The following VANGL2 variants were observed in gnomAD, a reference collection of about 807,000 sequenced individuals.
VANGL2 encodes vang-like protein 2.
A neutral mutation model predicts 50.2 loss-of-function variants in VANGL2; 14 were observed. The observed-to-expected ratio is 0.28, with a 90% confidence interval of 0.18 to 0.44. The LOEUF (loss-of-function observed/expected upper bound fraction) is 0.44, where lower values mean the gene tolerates loss of function less well. Among genes scored for constraint, VANGL2 ranks in the 20% least tolerant of loss-of-function variants. The pLI, the probability that VANGL2 is intolerant of heterozygous loss-of-function variation, is 1.00. For synonymous variants in VANGL2, 295 were observed against 297.2 expected, an observed-to-expected ratio of 0.99 and a Z score of 0.08; for missense variants, 533 against 701.5, an observed-to-expected ratio of 0.76 and a Z score of 2.71.
intron 1 of VANGL2, among the ~76,000 whole-genome samples, chr1:160,411,040 C>A (rs1463843146): frequency 2.0e-5 from 3 of 152,140 alleles, no homozygotes; most frequent in South Asian, 4.2e-4. Flanking sequence ...AGCTCCCCCC[C>A]AATCCCCTTG....
At chr1:160,417,376 C>T (rs1028318910) in intron 3 of VANGL2, among the ~76,000 whole-genome samples, 11 of 152,176 alleles carry the variant, frequency 7.2e-5, no homozygotes, top group African/African-American at 2.7e-4. Context: ...AGCTGGTGGT[C>T]TTGGGACTCC....
rs376432810 is a variant in VANGL2 at position 160,419,132 on chromosome 1, G to A, written c.323G>A (p.Gly108Asp). 8 of 1,614,076 alleles carry A rather than the reference G, an allele frequency of 5.0e-6. No homozygotes were observed. In the Admixed American group the frequency reaches 1.2e-4, roughly 24 times the overall value. Reference sequence around the variant, plus strand: ...CCTCTGGACTGCTCCCGTCACCTGGGTGTGGCAGCGGGGGCCACCCTGGCA... The same window carrying A: ...CCTCTGGACTGCTCCCGTCACCTGGATGTGGCAGCGGGGGCCACCCTGGCA... ...SVPLDCSRHLGVAAGATLALL... is the reference protein window; with the variant it reads ...SVPLDCSRHLDVAAGATLALL... Residue 108 changes from glycine (G) to aspartate (D), a missense_variant, in exon 4 of 8, where the codon GGT (glycine) becomes GAT (aspartate). Transcript: ENST00000368061. This position sits in a 1 kb window ranked among gnomAD's most constrained non-coding sequence, Gnocchi z 5.8.
intron 1 of VANGL2, among the ~76,000 whole-genome samples, chr1:160,407,861 G>T (rs1373236430): frequency 6.6e-6 from 1 of 152,208 alleles, no homozygotes; most frequent in Non-Finnish European, 1.5e-5. Flanking sequence ...GCAGCTCAAA[G>T]CCTGGTGGTG....
Position 160,425,181 on chromosome 1 carries a change from G to T in VANGL2, c.1369G>T (p.Ala457Ser). ...CCAGTACCACAAGGAACGCTGGCTGGCCAAACAGTGGACATTGGTGAGCGA... is the reference window on the plus strand; with the variant it reads ...CCAGTACCACAAGGAACGCTGGCTGTCCAAACAGTGGACATTGGTGAGCGA... ...TIQYHKERWL[A>S]KQWTLVSEEP... is the part of the protein sequence containing the mutation. Residue 457 changes from alanine to serine, a missense_variant, in exon 8 of 8, where the codon GCC becomes TCC. Transcript: ENST00000368061. 1 of 1,614,130 alleles carries T rather than the reference G, an allele frequency of 6.2e-7. No individual in the cohort carries two copies. Among genetic ancestry groups the T allele is most frequent in the Non-Finnish European group, 8.5e-7 (1 of 1,180,024 alleles).
Position 160,425,548 on chromosome 1 carries a change from C to T in VANGL2, c.*170C>T, listed in dbSNP as rs1651423450. 5.8e-6 allele frequency: 4 copies of T among 693,314 alleles called. No homozygotes were observed. The highest frequency in any genetic ancestry group is 3.6e-5 in the African/African-American group (2 of 55,428). 42.9% of individuals were successfully genotyped at this position (693,314 alleles called of 1,614,324 possible). The stretch of plus-strand genomic sequence containing the variant: ...TCTCCTCGCTTCTTCCTTATTTTAC[C>T]CCATGTGAACCTGGAGAGACCATCC... On this transcript the variant is annotated 3_prime_UTR_variant, in exon 8 of 8. Coordinates refer to ENST00000368061, the MANE Select transcript of VANGL2 (RefSeq NM_020335.3).
chr1:160,418,755 G>A (rs1242048686), intron 3 of VANGL2, among the ~76,000 whole-genome samples: 1 of 152,180 alleles, frequency 6.6e-6, no homozygotes, highest in Non-Finnish European at 1.5e-5. Context: ...ACTGACCAGT[G>A]TCCAGCTCCC....
Position 160,415,820 on chromosome 1 carries a change from G to A in VANGL2, c.-18G>A. ...GCCTGCGGCCCTGGAGCGCTACAAG[G>A]CGCGGCGTTCAGACGCCATGGACAC... is the stretch of plus-strand genomic sequence containing the variant. On this transcript the variant is annotated 5_prime_UTR_variant, in exon 2 of 8. Transcript: ENST00000368061. 1 of 1,610,420 alleles carries A rather than the reference G, an allele frequency of 6.2e-7. No individual in the cohort carries two copies. The highest frequency in any genetic ancestry group is 8.5e-7 in the Non-Finnish European group (1 of 1,178,774).
rs1344431225 is a variant in VANGL2 at position 160,419,756 on chromosome 1, T to C, written c.800+147T>C. The C allele has an allele frequency of 7.9e-7, 1 of 1,271,494 alleles. No homozygotes were observed. Among genetic ancestry groups the C allele is most frequent in the Non-Finnish European group, 1.1e-6 (1 of 946,726 alleles). 78.8% of individuals were successfully genotyped at this position (1,271,494 alleles called of 1,614,324 possible). On this transcript the variant is annotated intron_variant, in intron 4 of 7. Coordinates refer to ENST00000368061, the MANE Select transcript of VANGL2 (RefSeq NM_020335.3). This position sits in a 1 kb window ranked among gnomAD's most constrained non-coding sequence, Gnocchi z 5.8. ...AGGGAGTTGAGTACTTTGCACCAAG[T>C]AGGTTTTCACCAATGTTTGCTGCTT...
chr1:160,416,191 TG>T lies in VANGL2; in HGVS notation c.192+13del, dbSNP rs762113927. Reference sequence around the variant, plus strand: ...CACGAGGGGATGAGCGGGTGAGCACTGGGGATGCGGTGGTCCAGACCGGGCA... The same window carrying T: ...CACGAGGGGATGAGCGGGTGAGCACTGGGATGCGGTGGTCCAGACCGGGCA... On this transcript the variant is annotated intron_variant, in intron 3 of 7. Transcript: ENST00000368061. 6.2e-7 allele frequency: 1 copy of T among 1,614,014 alleles called. No individual in the cohort carries two copies. The highest frequency in any genetic ancestry group is 2.2e-5 in the East Asian group (1 of 44,886).
At chr1:160,424,391 T>G in intron 7 of VANGL2, 108 bp downstream of exon 7, 1 of 1,073,372 alleles carries the variant, frequency 9.3e-7, no homozygotes, top group Non-Finnish European at 1.4e-6. Context: ...CCACCTCATT[T>G]CTCTCTCCTC....
In VANGL2 at chr1:160,425,474, C is replaced by A; in HGVS notation, c.*96C>A. ...GCCCAGCCACATTCCTGCCACCCTT[C>A]TTCTTCTTGCTCTTTTTTTTTTACT... On this transcript the variant is annotated 3_prime_UTR_variant, in exon 8 of 8. Coordinates refer to ENST00000368061, the MANE Select transcript of VANGL2 (RefSeq NM_020335.3). The A allele has an allele frequency of 4.0e-6, 4 of 991,188 alleles. No individual in the cohort carries two copies. Among genetic ancestry groups the A allele is most frequent in the Non-Finnish European group, 5.6e-6 (4 of 719,720 alleles). The allele number at this position is 991,188 out of a possible 1,614,324, so 61.4% of individuals were successfully genotyped here.
chr1:160,415,333 A>G (rs1182587040), intron 1 of VANGL2, among the ~76,000 whole-genome samples: 2 of 152,176 alleles, frequency 1.3e-5, no homozygotes, highest in African/African-American at 2.4e-5. Context: ...GGCTGAGAAT[A>G]GGGAAGCAAT....
intron 1 of VANGL2, among the ~76,000 whole-genome samples, chr1:160,406,044 T>C (rs1180150603): frequency 1.3e-5 from 2 of 152,332 alleles, no homozygotes; most frequent in East Asian, 1.9e-4. Context: ...AAGCATCTAT[T>C]GTGTGCCAGA....
chr1:160,408,828 G>T (rs1268716137), intron 1 of VANGL2, among the ~76,000 whole-genome samples: 2 of 152,176 alleles, frequency 1.3e-5, no homozygotes, highest in African/African-American at 4.8e-5. Flanking sequence ...AGGAATGAGG[G>T]TCAGGGCAAA....
At chr1:160,406,487 C>T (rs1650664581) in intron 1 of VANGL2, among the ~76,000 whole-genome samples, 1 of 152,112 alleles carries the variant, frequency 6.6e-6, no homozygotes, top group African/African-American at 2.4e-5. Context: ...GGGTGGGTCT[C>T]TTTCTCCTTG....
At chr1:160,414,394 T>A (rs1650984475) in intron 1 of VANGL2, among the ~76,000 whole-genome samples, 1 of 152,240 alleles carries the variant, frequency 6.6e-6, no homozygotes, top group African/African-American at 2.4e-5. Flanking sequence ...CTCTGCTCCA[T>A]GGGCATTTTC....
At chr1:160,424,491 G>A (rs974200085) in intron 7 of VANGL2, among the ~76,000 whole-genome samples, 5 of 152,162 alleles carry the variant, frequency 3.3e-5, no homozygotes, top group African/African-American at 1.2e-4. Flanking sequence ...GAGGAGAAGG[G>A]AGTCCTCAGG....
chr1:160,401,737 ATG>A (rs1650470465), intron 1 of VANGL2, among the ~76,000 whole-genome samples: 3 of 151,788 alleles, frequency 2.0e-5, no homozygotes, highest in African/African-American at 7.3e-5. Flanking sequence ...GTGTATGTCT[ATG>A]TGTGTGTACT....
intron 1 of VANGL2, among the ~76,000 whole-genome samples, chr1:160,401,735 CTATG>C (rs1650470322): frequency 6.6e-6 from 1 of 151,864 alleles, no homozygotes; most frequent in South Asian, 2.1e-4. Context: ...GCGTGTATGT[CTATG>C]TGTGTGTACT....
Sources: allele counts gnomAD v4.1 joint callset (sites outside exome capture counted in the v4.1 genomes callset), GRCh38; gene constraint gnomAD v4.1.1; non-coding constraint Gnocchi (gnomAD v3.1); transcripts MANE v1.5; gene names NCBI Gene and HGNC (gene_info 2026-07-23, HGNC 2026-07-21).